Variants in AHRR observed in about 807,000 individuals in gnomAD.
AHRR encodes ahR repressor.
AHRR carries 28 observed loss-of-function variants against 44.0 expected under a neutral mutation model. The ratio of observed to expected loss-of-function variants is 0.64; its 90% CI spans 0.47 to 0.87. The LOEUF is 0.87. Ranked by LOEUF, AHRR falls within the 40% of genes least tolerant of loss-of-function variation. The probability of loss-of-function intolerance (pLI) is 0.00; values close to 1 mark genes in which losing one functional copy is unlikely to be tolerated. For missense variants in AHRR, 990 were observed against 953.9 expected (o/e 1.04, Z -0.50); for synonymous variants, 434 against 407.0 (o/e 1.07, Z -0.80).
chr5:324,209 G>A (rs2126309134), intron 1 of AHRR, among the ~76,000 whole-genome samples: 1 of 151,438 alleles, frequency 6.6e-6, no homozygotes, highest in Admixed American at 6.6e-5. Flanking sequence ...ACAGGTGTGA[G>A]CCACCACACT....
intron 4 of AHRR, among the ~76,000 whole-genome samples, chr5:401,177 C>T (rs1477771034): frequency 2.0e-5 from 3 of 152,340 alleles, no homozygotes; most frequent in South Asian, 4.1e-4. Flanking sequence ...GTGCACCCCA[C>T]GTCATCTCAC....
chr5:349,555 GGGTGACAGAGT>G (rs1742791190), intron 2 of AHRR, among the ~76,000 whole-genome samples: 1 of 151,038 alleles, frequency 6.6e-6, no homozygotes, highest in Admixed American at 6.6e-5. Context: ...ATTCCAGCCT[GGGTGACAGAGT>G]GAGACTCCGT....
In AHRR at chr5:423,803, C is replaced by G. The variant is rs116223172; in HGVS notation, c.572-38C>G. 4.7e-3 allele frequency: 7,295 copies of G among 1,559,476 alleles called. 221 individuals carry two copies. In the African/African-American group the frequency reaches 0.074, roughly 16 times the overall value. ...GCGTGTGACACGTGTGTTTTGGCTTCTCCCACCGCCACGCCCCTTGGCCCC... is the reference window on the plus strand; with the variant it reads ...GCGTGTGACACGTGTGTTTTGGCTTGTCCCACCGCCACGCCCCTTGGCCCC... On this transcript the variant is annotated intron_variant, in intron 6 of 10. Coordinates refer to ENST00000684583, the MANE Select transcript of AHRR (RefSeq NM_001377236.1).
intron 1 of AHRR, among the ~76,000 whole-genome samples, chr5:325,623 C>T (rs1196386067): frequency 1.3e-5 from 2 of 152,118 alleles, no homozygotes; most frequent in Non-Finnish European, 2.9e-5. Context: ...CCGAAGCATC[C>T]GTCCCACCCT....
intron 4 of AHRR, among the ~76,000 whole-genome samples, chr5:384,649 T>C (rs1734101792): frequency 6.6e-6 from 1 of 152,014 alleles, no homozygotes. Flanking sequence ...CTTGAACCCC[T>C]GACCTCAGGT....
chr5:368,722 G>A (rs1579630427), intron 3 of AHRR, among the ~76,000 whole-genome samples: 1 of 152,338 alleles, frequency 6.6e-6, no homozygotes, highest in South Asian at 2.1e-4. Context: ...GCCCCCCTGA[G>A]GCCCCCGGGT....
intron 5 of AHRR, chr5:420,775 G>A (rs113513421): frequency 0.013 from 1,761 of 136,724 alleles, 36 homozygotes; most frequent in Middle Eastern, 0.019. Flanking sequence ...TCCAGAAAGA[G>A]ACACCTCCGC....
intron 1 of AHRR, among the ~76,000 whole-genome samples, chr5:333,127 C>T (rs535248246): frequency 6.6e-6 from 1 of 152,096 alleles, no homozygotes; most frequent in Non-Finnish European, 1.5e-5. Flanking sequence ...AGGCTGGTCT[C>T]AAACTCCTGG....
chr5:325,075 G>C (rs939007254), intron 1 of AHRR, among the ~76,000 whole-genome samples: 1 of 152,220 alleles, frequency 6.6e-6, no homozygotes, highest in Non-Finnish European at 1.5e-5. Flanking sequence ...CGAGGCTTCC[G>C]TCTCAATTCC....
intron 1 of AHRR, among the ~76,000 whole-genome samples, chr5:324,310 C>G (rs866162497): frequency 1.3e-5 from 2 of 151,772 alleles, no homozygotes; most frequent in South Asian, 4.2e-4. Flanking sequence ...ACGTCATGCT[C>G]TCCCCACCTC....
chr5:410,321 C>T (rs1185909688), intron 4 of AHRR, among the ~76,000 whole-genome samples: 1 of 152,154 alleles, frequency 6.6e-6, no homozygotes, highest in Admixed American at 6.6e-5. Context: ...CTCAGCCTCC[C>T]AAGTAGCTGG....
intron 5 of AHRR, among the ~76,000 whole-genome samples, chr5:415,364 TC>T (rs1735693471): frequency 7.1e-6 from 1 of 140,002 alleles, no homozygotes; most frequent in African/African-American, 2.7e-5. Flanking sequence ...GGGCCGAGTC[TC>T]CCTGGTCGGG....
chr5:433,079 C>T, intron 10 of AHRR, 132 bp downstream of exon 10: 2 of 1,134,490 alleles, frequency 1.8e-6, no homozygotes, highest in Non-Finnish European at 2.4e-6. Context: ...CCACACGAGC[C>T]ACAGCTAACC....
chr5:434,772 C>A lies in AHRR; in HGVS notation c.2032C>A (p.Pro678Thr). 1 of 1,559,432 alleles carries A rather than the reference C, an allele frequency of 6.4e-7. No homozygotes were observed. Residue 678 changes from proline (P) to threonine (T), a missense_variant, in exon 11 of 11, where the codon CCC (proline) becomes ACC (threonine). Coordinates refer to ENST00000684583, the MANE Select transcript of AHRR (RefSeq NM_001377236.1). The stretch of plus-strand genomic sequence containing the variant: ...CCAGGGAATGGTGCCCGGGATGTTG[C>A]CCAAAAGTGCCTTGGCCACGCTGGT... ...HSQGMVPGML[P>T]KSALATLVPP...
intron 3 of AHRR, 66 bp from the exon 4 acceptor site, chr5:376,544 G>GTGTA (rs1733680265): frequency 3.6e-6 from 5 of 1,405,680 alleles, no homozygotes; most frequent in Admixed American, 2.3e-5. Flanking sequence ...CAGGAAAGAT[G>GTGTA]TGAATGAAGA....
Position 422,730 on chromosome 5 carries a change from C to G in AHRR, c.443C>G (p.Thr148Arg), listed in dbSNP as rs772512231. ...AATAATCTTGTTGCGCTATTTCAGA[C>G]GGATGTAATGCACCAGAACATTTAT... The part of the protein sequence containing the change: ...TIVDYLGFHQ[T>R]DVMHQNIYDY... Residue 148 changes from threonine (T) to arginine (R), a missense_variant and splice_region_variant, in exon 6 of 11, where the codon ACG (threonine) becomes AGG (arginine). By Grantham distance (71) the Thr-to-Arg change is moderately conservative. Coordinates refer to ENST00000684583, the MANE Select transcript of AHRR (RefSeq NM_001377236.1). 6.2e-7 allele frequency: 1 copy of G among 1,614,160 alleles called. No individual in the cohort carries two copies. The highest frequency in any genetic ancestry group is 1.1e-5 in the South Asian group (1 of 91,082).
intron 1 of AHRR, among the ~76,000 whole-genome samples, chr5:327,752 T>C (rs1741761865): frequency 1.3e-5 from 2 of 152,232 alleles, no homozygotes; most frequent in Non-Finnish European, 1.5e-5. Context: ...GTGGGACTGC[T>C]GGATTAAATA....
intron 3 of AHRR, among the ~76,000 whole-genome samples, chr5:360,649 G>A (rs1358106499): frequency 6.6e-6 from 1 of 152,204 alleles, no homozygotes; most frequent in East Asian, 1.9e-4. Context: ...AACACTGATA[G>A]AAATGTGAGC....
At chr5:399,723 G>A (rs1734929428) in intron 4 of AHRR, among the ~76,000 whole-genome samples, 1 of 152,240 alleles carries the variant, frequency 6.6e-6, no homozygotes, top group African/African-American at 2.4e-5. Flanking sequence ...AGGACACCGG[G>A]TTAACCGAGC....
Sources: allele counts gnomAD v4.1 joint callset (sites outside exome capture counted in the v4.1 genomes callset), GRCh38; gene constraint gnomAD v4.1.1; transcripts MANE v1.5; gene names NCBI Gene and HGNC (gene_info 2026-07-23, HGNC 2026-07-21).